The following OSMR variants were observed in gnomAD, a reference collection of about 807,000 sequenced individuals.
OSMR encodes the protein oncostatin-M-specific receptor subunit beta.
In OSMR, 81 loss-of-function variants were observed where a neutral mutation model predicts 99.9. The observed-to-expected ratio is 0.81, with a 90% confidence interval of 0.68 to 0.97. The LOEUF is 0.97. OSMR is among the 50% of genes least tolerant of loss of function. OSMR has a pLI of 0.00. For missense variants in OSMR, 1,099 were observed against 1,153.4 expected (o/e 0.95, Z 0.68); for synonymous variants, 406 against 410.4 (o/e 0.99, Z 0.13).
At position 38,933,295 on chromosome 5, in the gene OSMR, AG is replaced by A. The variant is rs1746866215; in HGVS notation, c.2792del (p.Ser931IlefsTer7). On this transcript the variant is annotated frameshift_variant, in exon 18 of 18. Coordinates refer to ENST00000274276, the MANE Select transcript of OSMR (RefSeq NM_003999.3). LOFTEE classifies it low-confidence loss of function (END_TRUNC). The stretch of plus-strand genomic sequence containing the variant: ...TTCACCCATGTTTGGAGACAAGGAC[AG>A]TCTCCCAACAAACCCAGTAGAGGCA... The part of the protein sequence containing the change: ...LASPMFGDKD[S>X]LPTNPVEAPH... The A allele has an allele frequency of 6.2e-7, 1 of 1,614,056 alleles. No individual in the cohort carries two copies. The highest frequency in any genetic ancestry group is 8.5e-7 in the Non-Finnish European group (1 of 1,179,974).
At chr5:38,904,617 C>G (rs540313738) in intron 9 of OSMR, 114 bp downstream of exon 9, 8 of 1,289,418 alleles carry the variant, frequency 6.2e-6, no homozygotes, top group Admixed American at 3.8e-5. Flanking sequence ...TAAACAGAGG[C>G]GGGGTAGCAT....
At chr5:38,937,369 G>A (rs888052147), downstream of OSMR, among the ~76,000 whole-genome samples, 1 of 152,192 alleles carries the variant, frequency 6.6e-6, no homozygotes, top group South Asian at 2.1e-4. This position sits in a 1 kb window ranked among gnomAD's most constrained non-coding sequence, Gnocchi z 4.0. Flanking sequence ...ATACACAGTG[G>A]AAGACATTGG....
chr5:38,907,209 G>A (rs1187361394), intron 9 of OSMR, among the ~76,000 whole-genome samples: 1 of 152,202 alleles, frequency 6.6e-6, no homozygotes, highest in Non-Finnish European at 1.5e-5. Flanking sequence ...ACCCTGCACA[G>A]GGCTATGAAG....
At chr5:38,877,456 C>A (rs1411880142) in intron 3 of OSMR, among the ~76,000 whole-genome samples, 3 of 152,224 alleles carry the variant, frequency 2.0e-5, no homozygotes, top group Non-Finnish European at 4.4e-5. Flanking sequence ...CAGTTTCCCA[C>A]AATGAGACTT....
chr5:38,864,540 G>GTTTTTTT (rs33918195), intron 1 of OSMR, among the ~76,000 whole-genome samples: 1 of 147,252 alleles, frequency 6.8e-6, no homozygotes. Context: ...CTTGCCTGAA[G>GTTTTTTT]TTTTTTTTTT....
chr5:38,892,961 G>A (rs762204221), intron 7 of OSMR, among the ~76,000 whole-genome samples: 2 of 152,126 alleles, frequency 1.3e-5, no homozygotes, highest in Non-Finnish European at 2.9e-5. Flanking sequence ...TGGGGTATTT[G>A]TGGGCAAGCC....
intron 7 of OSMR, among the ~76,000 whole-genome samples, chr5:38,901,107 C>G (rs2112521387): frequency 6.6e-6 from 1 of 152,312 alleles, no homozygotes; most frequent in Non-Finnish European, 1.5e-5. Flanking sequence ...GCTGGCGTGG[C>G]CATTGCCACT....
intron 1 of OSMR, among the ~76,000 whole-genome samples, chr5:38,855,818 C>T (rs897925573): frequency 1.3e-5 from 2 of 151,958 alleles, no homozygotes; most frequent in African/African-American, 4.8e-5. Flanking sequence ...TAAACCAGAC[C>T]ACGTTACTCC....
chr5:38,876,827 T>C (rs1742877960), intron 3 of OSMR, among the ~76,000 whole-genome samples: 1 of 152,224 alleles, frequency 6.6e-6, no homozygotes, highest in Admixed American at 6.5e-5. Context: ...GAAGAGTAAG[T>C]GCTAGCACTT....
At position 38,919,140 on chromosome 5, in the gene OSMR, T is replaced by C. The variant is rs546548461; in HGVS notation, c.1585+78T>C. On this transcript the variant is annotated intron_variant, in intron 11 of 17. Coordinates refer to ENST00000274276, the MANE Select transcript of OSMR (RefSeq NM_003999.3). ...ACGTTATTAAGTAGTGATGGATAAA[T>C]TGAGAAAACAATAACTTAGGAAGAC... 4.3e-5 allele frequency: 67 copies of C among 1,568,626 alleles called. No homozygotes were observed. In the East Asian group the frequency reaches 1.2e-3, roughly 28 times the overall value.
At chr5:38,903,420 T>C (rs912336220) in intron 7 of OSMR, among the ~76,000 whole-genome samples, 12 of 152,236 alleles carry the variant, frequency 7.9e-5, no homozygotes, top group Admixed American at 6.5e-4. Flanking sequence ...TTAAAGGACA[T>C]CCTCTTTCTA....
intron 1 of OSMR, among the ~76,000 whole-genome samples, chr5:38,854,466 AAG>A (rs548417825): frequency 4.3e-4 from 66 of 152,280 alleles, no homozygotes; most frequent in African/African-American, 1.5e-3. Flanking sequence ...AGATTTTGCA[AAG>A]AGACAAGATT....
chr5:38,940,244 GGTGT>G (rs1180186791), downstream of OSMR: 7 of 228,132 alleles, frequency 3.1e-5, no homozygotes, highest in South Asian at 1.8e-4. Flanking sequence ...TGGGGGAGGG[GGTGT>G]GTGTGTGTGT....
chr5:38,886,190 G>T lies in OSMR; in HGVS notation c.991G>T (p.Val331Phe). ...TATCCTTTTTAACCTGACTCATCGA[G>T]GTGAGACTAGAGTTGTCACAGCCCA... ...VNILFNLTHR[V>F]YLMNPFSVNF... Residue 331 changes from valine (V) to phenylalanine (F), a missense_variant and splice_region_variant, in exon 7 of 18, where the codon GTT (valine) becomes TTT (phenylalanine). Val to Phe is a conservative substitution (Grantham distance 50). Transcript: ENST00000274276. 1 of 1,614,078 alleles carries T rather than the reference G, an allele frequency of 6.2e-7. No homozygotes were observed. Among genetic ancestry groups the T allele is most frequent in the Non-Finnish European group, 8.5e-7 (1 of 1,179,958 alleles).
chr5:38,910,986 G>T (rs866193875), intron 9 of OSMR, among the ~76,000 whole-genome samples: 1 of 152,010 alleles, frequency 6.6e-6, no homozygotes, highest in Non-Finnish European at 1.5e-5. Flanking sequence ...CTCCAGCCTG[G>T]GTGACAAAGA....
At chr5:38,945,032 T>C (rs1748019636) in exon 3 of OSMR, 1 of 1,609,650 alleles carries the variant, frequency 6.2e-7, no homozygotes, top group Non-Finnish European at 8.5e-7. Context: ...ATGGATAGTC[T>C]GCTCACACCA....
At chr5:38,868,579 G>C (rs1267420726) in intron 1 of OSMR, among the ~76,000 whole-genome samples, 1 of 152,174 alleles carries the variant, frequency 6.6e-6, no homozygotes, top group African/African-American at 2.4e-5. Context: ...TCTTGCTGCT[G>C]CCATGTAAGA....
chr5:38,847,880 T>A (rs970624083), intron 1 of OSMR, among the ~76,000 whole-genome samples: 2 of 150,736 alleles, frequency 1.3e-5, no homozygotes, highest in African/African-American at 2.5e-5. Context: ...GTCTTGGGTG[T>A]TTCTTCCGCA....
At chr5:38,868,721 A>C (rs993285360) in intron 1 of OSMR, among the ~76,000 whole-genome samples, 1 of 152,214 alleles carries the variant, frequency 6.6e-6, no homozygotes, top group Non-Finnish European at 1.5e-5. Flanking sequence ...CTAATATAGT[A>C]GGGTAGCCCA....
Sources: allele counts gnomAD v4.1 joint callset (sites outside exome capture counted in the v4.1 genomes callset), GRCh38; gene constraint gnomAD v4.1.1; non-coding constraint Gnocchi (gnomAD v3.1); transcripts MANE v1.5; gene names NCBI Gene and HGNC (gene_info 2026-07-23, HGNC 2026-07-21).